Variants in BAAT observed in about 807,000 individuals in gnomAD.
The protein encoded by BAAT is bile acid-CoA:amino acid N-acyltransferase.
A neutral mutation model predicts 18.9 loss-of-function variants in BAAT; 13 were observed. The observed-to-expected ratio is 0.69, with a 90% CI of 0.45 to 1.10. BAAT has a LOEUF of 1.10. BAAT is among the 50% of genes least tolerant of loss of function. The probability of loss-of-function intolerance (pLI) is 0.00; values close to 1 mark genes in which losing one functional copy is unlikely to be tolerated. For missense variants in BAAT, 489 were observed against 504.0 expected, an observed-to-expected ratio of 0.97 and a Z score of 0.28; for synonymous variants, 170 against 190.7, an observed-to-expected ratio of 0.89 and a Z score of 0.89.
At chr9:101,383,408 CAG>C (rs1830160394) in intron 1 of BAAT, 1 of 152,284 alleles carries the variant, frequency 6.6e-6, no homozygotes, top group East Asian at 1.9e-4. Context: ...AATTCAAGAG[CAG>C]AGATTTTAAC....
chr9:101,371,107 G>C lies in BAAT; in HGVS notation c.298C>G (p.Pro100Ala), dbSNP rs961959287. Residue 100 changes from proline (P) to alanine (A), a missense_variant, in exon 2 of 4, where the codon CCT (proline) becomes GCT (alanine). Transcript: ENST00000259407. ...TAAAGTTTTACTTGGACCTGGAAAG[G>C]CCTATTCATCACATCTCTTTTCAAC... ...RLLKRDVMNR[P>A]FQVQVKLYDL... 5.6e-6 allele frequency: 9 copies of C among 1,613,896 alleles called. No homozygotes were observed. The highest frequency in any genetic ancestry group is 5.1e-6 in the Non-Finnish European group (6 of 1,180,008).
Position 101,362,954 on chromosome 9 carries a change from A to G in BAAT, c.731T>C (p.Met244Thr), listed in dbSNP as rs372563120. The change falls in exon 4 of 4, where the codon ATG becomes ACG. Residue 244 changes from methionine (M) to threonine (T), a missense_variant. Physicochemically the swap from Met to Thr is moderately conservative, Grantham distance 81. Transcript: ENST00000259407. The part of the protein sequence containing the change: ...VCQGVQIGLS[M>T]AIYLKQVTAT... ...TGTGACTTGCTTTAGGTAAATAGCC[A>G]TAGATAGTCCAATCTGTACTCCTTG... 3.1e-6 allele frequency: 5 copies of G among 1,614,136 alleles called. No homozygotes were observed. In the African/African-American group the frequency reaches 5.3e-5, roughly 17 times the overall value.
intron 1 of BAAT, among the ~76,000 whole-genome samples, chr9:101,383,835 C>T (rs1830165736): frequency 6.6e-6 from 1 of 152,110 alleles, no homozygotes; most frequent in African/African-American, 2.4e-5. Context: ...CTCAAGGTAA[C>T]TTCTGGAGGG....
Position 101,376,389 on chromosome 9 carries a change from C to T in BAAT, c.-59-4926G>A, listed in dbSNP as rs375032850. On this transcript the variant is annotated intron_variant, in intron 1 of 3. Transcript: ENST00000259407. The stretch of plus-strand genomic sequence containing the variant: ...ATCCTCTGTGCTCAGACTAGTCTTA[C>T]CAAAGCCAGAATTCTGTTGAATTCT... 4.7e-5 allele frequency: 9 copies of T among 190,268 alleles called. No individual in the cohort carries two copies. The South Asian group carries it at 1.1e-3, about 23-fold the overall frequency. 11.8% of individuals were successfully genotyped at this position (190,268 alleles called of 1,614,324 possible).
chr9:101,369,499 C>T (rs1829890500), intron 2 of BAAT, among the ~76,000 whole-genome samples: 1 of 152,044 alleles, frequency 6.6e-6, no homozygotes. Context: ...CTTTTGTTCC[C>T]CCGATAGAAA....
chr9:101,379,364 C>A (rs1310510675), intron 1 of BAAT, among the ~76,000 whole-genome samples: 1 of 152,148 alleles, frequency 6.6e-6, no homozygotes, highest in African/African-American at 2.4e-5. Context: ...AGAATTCACC[C>A]AATTTATACA....
At position 101,362,331 on chromosome 9, in the gene BAAT, G is replaced by A; in HGVS notation, c.*97C>T. On this transcript the variant is annotated 3_prime_UTR_variant, in exon 4 of 4. Coordinates refer to ENST00000259407, the MANE Select transcript of BAAT (RefSeq NM_001701.4). The stretch of plus-strand genomic sequence containing the variant: ...AATCATTAAAATTAATACAAAATGT[G>A]TGTGTGGCAGCTGGGGGAGACATTC... 1 of 1,225,652 alleles carries A rather than the reference G, an allele frequency of 8.2e-7. No homozygotes were observed. Among genetic ancestry groups the A allele is most frequent in the Non-Finnish European group, 1.2e-6 (1 of 854,860 alleles). 75.9% of individuals were successfully genotyped at this position (1,225,652 alleles called of 1,614,324 possible). A position where few individuals can be genotyped will look rare whatever the true frequency, so the allele number is the denominator to read the frequency against.
At chr9:101,374,777 A>T (rs1029290916) in intron 1 of BAAT, among the ~76,000 whole-genome samples, 2 of 152,142 alleles carry the variant, frequency 1.3e-5, no homozygotes, top group Non-Finnish European at 2.9e-5. Flanking sequence ...CAACAATGAA[A>T]TCTTTAAGAA....
At chr9:101,373,293 A>G (rs1829987062) in intron 1 of BAAT, among the ~76,000 whole-genome samples, 1 of 152,202 alleles carries the variant, frequency 6.6e-6, no homozygotes, top group South Asian at 2.1e-4. Context: ...ATAAAAAATA[A>G]TGTGATCATG....
intron 3 of BAAT, among the ~76,000 whole-genome samples, chr9:101,367,258 T>C (rs1041942139): frequency 6.6e-6 from 1 of 152,142 alleles, no homozygotes; most frequent in Non-Finnish European, 1.5e-5. Flanking sequence ...AAAGCACTAA[T>C]AGTATTATGT....
rs761251037 is a variant in BAAT, at chr9:101,362,396, G to A, written c.*32C>T. On this transcript the variant is annotated 3_prime_UTR_variant, in exon 4 of 4. Coordinates refer to ENST00000259407, the MANE Select transcript of BAAT (RefSeq NM_001701.4). Reference sequence around the variant, plus strand: ...AGAGAAGGTCCCGGTAAAGAGATTTGCTTCTTTATTTTCTAGGAATATCTA... The same window carrying A: ...AGAGAAGGTCCCGGTAAAGAGATTTACTTCTTTATTTTCTAGGAATATCTA... 1 of 1,601,244 alleles carries A rather than the reference G, an allele frequency of 6.2e-7. No homozygotes were observed. The highest frequency in any genetic ancestry group is 8.6e-7 in the Non-Finnish European group (1 of 1,169,346).
At chr9:101,380,634 T>G (rs1249258594) in intron 1 of BAAT, among the ~76,000 whole-genome samples, 1 of 152,218 alleles carries the variant, frequency 6.6e-6, no homozygotes, top group Non-Finnish European at 1.5e-5. Flanking sequence ...CTCTGCCATT[T>G]AATAGCAGCC....
rs1327152842 is a variant in BAAT, at chr9:101,368,172, G to T, written c.617C>A (p.Thr206Lys). 1.2e-6 allele frequency: 2 copies of T among 1,609,136 alleles called. No homozygotes were observed. Among genetic ancestry groups the T allele is most frequent in the Non-Finnish European group, 1.7e-6 (2 of 1,177,440 alleles). ...YEDLPRKPEV[T>K]DLEYFEEAAN... ...AGCCTCCTCAAAATATTCCAAATCT[G>T]TTACTTCTGGTTTGCGGGGCAGGTC... The change falls in exon 3 of 4, where the codon ACA becomes AAA. Residue 206 changes from threonine (T) to lysine (K), a missense_variant. Transcript: ENST00000259407.
At chr9:101,381,657 T>C (rs1385645558) in intron 1 of BAAT, among the ~76,000 whole-genome samples, 1 of 151,992 alleles carries the variant, frequency 6.6e-6, no homozygotes, top group African/African-American at 2.4e-5. Context: ...TAAAAGAAAA[T>C]ATATGCAACA....
chr9:101,377,495 G>A (rs989175423), intron 1 of BAAT, among the ~76,000 whole-genome samples: 2 of 152,202 alleles, frequency 1.3e-5, no homozygotes, highest in Non-Finnish European at 2.9e-5. Flanking sequence ...AGAAGTTCCT[G>A]AGACTAGAGC....
chr9:101,373,477 C>T (rs990657151), intron 1 of BAAT, among the ~76,000 whole-genome samples: 1 of 152,122 alleles, frequency 6.6e-6, no homozygotes, highest in Non-Finnish European at 1.5e-5. Flanking sequence ...TTACTGATAG[C>T]TTTCAGGGCT....
rs771291562 is a variant in BAAT at position 101,368,302 on chromosome 9, C to T, written c.487G>A (p.Val163Ile). Reference sequence around the variant, plus strand: ...CCCAAACCACCAAACAAATCAATTACCCCTGGGAAGAGACCCTCTCCTGAA... The same window carrying T: ...CCCAAACCACCAAACAAATCAATTATCCCTGGGAAGAGACCCTCTCCTGAA... The part of the protein sequence containing the change: ...LPPGEGLFPG[V>I]IDLFGGLGGL... Residue 163 changes from valine to isoleucine, a missense_variant, in exon 3 of 4, where the codon GTA becomes ATA. Physicochemically the swap from Val to Ile is conservative, Grantham distance 29. Transcript: ENST00000259407. 4 of 1,612,538 alleles carry T rather than the reference C, an allele frequency of 2.5e-6. No individual in the cohort carries two copies. The highest frequency in any genetic ancestry group is 4.5e-5 in the East Asian group (2 of 44,826).
At chr9:101,363,338 G>A (rs1184832232) in intron 3 of BAAT, among the ~76,000 whole-genome samples, 1 of 152,184 alleles carries the variant, frequency 6.6e-6, no homozygotes, top group African/African-American at 2.4e-5. Flanking sequence ...TCAGGGTATA[G>A]ATGATTGGTA....
Position 101,362,594 on chromosome 9 carries a change from A to C in BAAT, c.1091T>G (p.Ile364Arg), listed in dbSNP as rs1408224736. Residue 364 changes from isoleucine (I) to arginine (R), a missense_variant, in exon 4 of 4, where the codon ATA becomes AGA. Transcript: ENST00000259407. ...LLSYPGAGHL[I>R]EPPYSPLCCA... ...GCACAGAGGAGAATAGGGAGGTTCT[A>C]TCAGGTGGCCTGCCCCAGGGTAAGA... 6.2e-7 allele frequency: 1 copy of C among 1,614,136 alleles called. No individual in the cohort carries two copies. The highest frequency in any genetic ancestry group is 1.7e-5 in the Admixed American group (1 of 60,010).
Sources: gnomAD v4.1 joint callset for allele counts (sites outside exome capture counted in the v4.1 genomes callset) on GRCh38, gnomAD v4.1.1 for gene constraint, MANE v1.5 for transcripts, NCBI Gene and HGNC (gene_info 2026-07-23, HGNC 2026-07-21) for gene names.